Variants in INPP4B observed in about 807,000 individuals in gnomAD.
INPP4B encodes the protein inositol polyphosphate-4-phosphatase type II B.
In INPP4B, 55 loss-of-function variants were observed where a neutral mutation model predicts 122.5. The observed-to-expected ratio is 0.45, with a 90% CI of 0.36 to 0.56. The LOEUF (loss-of-function observed/expected upper bound fraction) is 0.56, where lower values mean the gene tolerates loss of function less well. Ranked by LOEUF, INPP4B falls within the 20% of genes least tolerant of loss-of-function variation. INPP4B has a pLI of 0.00. For missense variants in INPP4B, 1,000 were observed against 1,097.7 expected (o/e 0.91, Z 1.26); for synonymous variants, 403 against 388.7 (o/e 1.04, Z -0.43).
chr4:142,379,984 G>T (rs947655363), intron 7 of INPP4B, among the ~76,000 whole-genome samples: 1 of 152,218 alleles, frequency 6.6e-6, no homozygotes, highest in Non-Finnish European at 1.5e-5. Flanking sequence ...CAGAGTACTT[G>T]AAAGTCGTAA....
intron 25 of INPP4B, among the ~76,000 whole-genome samples, chr4:142,056,650 T>C (rs752421389): frequency 6.6e-6 from 1 of 152,132 alleles, no homozygotes; most frequent in Non-Finnish European, 1.5e-5. Context: ...GATGTTTTGG[T>C]TGGTAACAAA....
At chr4:142,709,915 C>G (rs1387453104) in intron 2 of INPP4B, among the ~76,000 whole-genome samples, 1 of 152,152 alleles carries the variant, frequency 6.6e-6, no homozygotes, top group Non-Finnish European at 1.5e-5. Context: ...AGATTTACAG[C>G]CCAGGAGGAA....
chr4:142,785,870 C>A (rs1775693780), intron 1 of INPP4B, among the ~76,000 whole-genome samples: 1 of 151,964 alleles, frequency 6.6e-6, no homozygotes, highest in South Asian at 2.1e-4. Flanking sequence ...CTAGCCATGT[C>A]ATATTCAAAC....
chr4:142,301,992 T>C (rs1761626475), intron 9 of INPP4B, among the ~76,000 whole-genome samples: 1 of 152,188 alleles, frequency 6.6e-6, no homozygotes, highest in African/African-American at 2.4e-5. Context: ...CATCAACTTA[T>C]AAGACATTAT....
chr4:142,567,141 G>A (rs117950274), intron 2 of INPP4B, among the ~76,000 whole-genome samples: 2 of 152,204 alleles, frequency 1.3e-5, no homozygotes, highest in Non-Finnish European at 2.9e-5. Context: ...CCTATTTTAA[G>A]AGCAGTCAGG....
intron 25 of INPP4B, among the ~76,000 whole-genome samples, chr4:142,064,963 C>T (rs1237037321): frequency 2.0e-5 from 3 of 151,988 alleles, no homozygotes; most frequent in Non-Finnish European, 4.4e-5. Context: ...TGTAAGAAAA[C>T]AGATATTTTG....
intron 2 of INPP4B, among the ~76,000 whole-genome samples, chr4:142,668,965 G>A (rs1756573337): frequency 2.6e-5 from 4 of 152,126 alleles, no homozygotes; most frequent in African/African-American, 9.7e-5. Flanking sequence ...TGAGGCAGGA[G>A]AATGAATGTG....
intron 7 of INPP4B, among the ~76,000 whole-genome samples, chr4:142,347,810 G>T (rs1780758629): frequency 6.6e-6 from 1 of 151,922 alleles, no homozygotes; most frequent in Non-Finnish European, 1.5e-5. Flanking sequence ...AGCAGAGGTG[G>T]TTCAGAGAAG....
intron 7 of INPP4B, among the ~76,000 whole-genome samples, chr4:142,350,672 A>G (rs1318538732): frequency 6.6e-6 from 1 of 152,058 alleles, no homozygotes; most frequent in Non-Finnish European, 1.5e-5. Context: ...TCATTTAAGA[A>G]TGTCTAAGCC....
At chr4:142,133,035 A>G (rs528940248) in intron 18 of INPP4B, among the ~76,000 whole-genome samples, 99 of 152,108 alleles carry the variant, frequency 6.5e-4, no homozygotes, top group African/African-American at 2.1e-3. Context: ...TATTTGACCT[A>G]TTTTCTAACC....
intron 1 of INPP4B, among the ~76,000 whole-genome samples, chr4:142,728,081 G>C (rs1392191187): frequency 6.6e-6 from 1 of 152,152 alleles, no homozygotes; most frequent in African/African-American, 2.4e-5. Context: ...ATTAACGTAA[G>C]GTCCACTCAC....
intron 21 of INPP4B, among the ~76,000 whole-genome samples, chr4:142,114,394 C>T (rs1220552973): frequency 1.3e-5 from 2 of 151,970 alleles, no homozygotes; most frequent in African/African-American, 4.8e-5. Flanking sequence ...AGTGACAATT[C>T]CACCAGCAAT....
At chr4:142,070,082 C>A (rs34868301) in intron 25 of INPP4B, among the ~76,000 whole-genome samples, 21 of 152,146 alleles carry the variant, frequency 1.4e-4, no homozygotes, top group African/African-American at 4.6e-4. Context: ...AAGCAAAAAT[C>A]CTGAATAAAA....
intron 12 of INPP4B, among the ~76,000 whole-genome samples, chr4:142,212,522 G>GT (rs1845356278): frequency 6.6e-6 from 1 of 152,126 alleles, no homozygotes; most frequent in African/African-American, 2.4e-5. Context: ...AGTTTCAGAC[G>GT]TATTTTTCCT....
At chr4:142,304,495 C>T (rs1173377088) in intron 9 of INPP4B, among the ~76,000 whole-genome samples, 2 of 151,772 alleles carry the variant, frequency 1.3e-5, no homozygotes, top group Non-Finnish European at 2.9e-5. Flanking sequence ...AAATGAGGAG[C>T]TGTAAGGATT....
At chr4:142,571,623 C>CA (rs919186247) in intron 2 of INPP4B, among the ~76,000 whole-genome samples, 1 of 151,930 alleles carries the variant, frequency 6.6e-6, no homozygotes, top group Admixed American at 6.6e-5. Flanking sequence ...AATAAAAAAG[C>CA]AAAAAATAAT....
At chr4:142,033,417 G>A (rs1189732673) in intron 25 of INPP4B, among the ~76,000 whole-genome samples, 1 of 152,158 alleles carries the variant, frequency 6.6e-6, no homozygotes, top group Non-Finnish European at 1.5e-5. Context: ...TGTAGTGAGT[G>A]TTGTGACAGC....
At chr4:142,790,594 T>G (rs1776406251) in intron 1 of INPP4B, among the ~76,000 whole-genome samples, 1 of 151,646 alleles carries the variant, frequency 6.6e-6, no homozygotes, top group Admixed American at 6.6e-5. Context: ...CTAGAAAAGT[T>G]TTAATAGATT....
intron 17 of INPP4B, among the ~76,000 whole-genome samples, chr4:142,152,686 T>G (rs1015585368): frequency 1.5e-4 from 23 of 152,020 alleles, no homozygotes; most frequent in African/African-American, 5.3e-4. Flanking sequence ...CTCAAACACC[T>G]AGGCTTAAGC....
Sources: gnomAD v4.1 joint callset for allele counts (sites outside exome capture counted in the v4.1 genomes callset) on GRCh38, gnomAD v4.1.1 for gene constraint, MANE v1.5 for transcripts, NCBI Gene and HGNC (gene_info 2026-07-23, HGNC 2026-07-21) for gene names.